Variants in SAXO4 observed in about 807,000 individuals in gnomAD.
SAXO4 encodes the protein stabilizer of axonemal microtubules 4, also known as protein phosphatase 1 regulatory subunit 32.
chr11:61,481,959 G>T, the SAXO4 span: 1 of 1,367,912 alleles, frequency 7.3e-7, no homozygotes, highest in Non-Finnish European at 1.0e-6. Flanking sequence ...TAGGACATGG[G>T]CAGGAAGGGA....
chr11:61,486,428 G>C, the SAXO4 span: 4 of 1,613,942 alleles, frequency 2.5e-6, no homozygotes, highest in Non-Finnish European at 3.4e-6. Flanking sequence ...GGGGAGGCTG[G>C]GGACCGCCTG....
chr11:61,490,315 A>G, the SAXO4 span, among the ~76,000 whole-genome samples: 1 of 152,108 alleles, frequency 6.6e-6, no homozygotes, highest in African/African-American at 2.4e-5. Context: ...GCTCAATTCA[A>G]TTCCTCAGAA....
At chr11:61,488,677 A>G in the SAXO4 span, among the ~76,000 whole-genome samples, 2 of 151,764 alleles carry the variant, frequency 1.3e-5, no homozygotes, top group African/African-American at 2.4e-5. Context: ...TGTCCCTGCC[A>G]CCTCTCTGTC....
chr11:61,487,050 G>A, the SAXO4 span: 1 of 1,614,040 alleles, frequency 6.2e-7, no homozygotes, highest in Non-Finnish European at 8.5e-7. Flanking sequence ...CCGGGAGACT[G>A]TGGGGAAAAA....
chr11:61,484,668 T>C, the SAXO4 span: 1 of 1,612,394 alleles, frequency 6.2e-7, no homozygotes, highest in East Asian at 2.2e-5. Flanking sequence ...TCACTTGTAA[T>C]TGGCCCTTCT....
chr11:61,482,458 C>T, the SAXO4 span: 2 of 1,598,262 alleles, frequency 1.3e-6, no homozygotes, highest in Non-Finnish European at 1.7e-6. Flanking sequence ...TTCCCAGCCC[C>T]TGCCCTGCTC....
the SAXO4 span, chr11:61,490,789 C>T: frequency 1.7e-6 from 1 of 593,150 alleles, no homozygotes; most frequent in Non-Finnish European, 3.0e-6. Flanking sequence ...CTTGCTCAGG[C>T]CTCGCCTCTG....
At chr11:61,481,862 C>T in the SAXO4 span, 73 of 1,560,450 alleles carry the variant, frequency 4.7e-5, no homozygotes, top group Admixed American at 3.6e-4. Flanking sequence ...AAGATGAGTT[C>T]GGGGGGCTAC....
chr11:61,484,802 G>T, the SAXO4 span: 19 of 1,596,100 alleles, frequency 1.2e-5, no homozygotes, highest in Non-Finnish European at 1.5e-5. Context: ...GCTGGAGCGG[G>T]AGAACTTCCG....
At chr11:61,483,679 C>T in the SAXO4 span, among the ~76,000 whole-genome samples, 12 of 152,102 alleles carry the variant, frequency 7.9e-5, no homozygotes, top group South Asian at 2.1e-4. Context: ...AGTTGGAGGC[C>T]AGGTGCGATG....
chr11:61,485,245 G>A, the SAXO4 span: 1 of 1,125,584 alleles, frequency 8.9e-7, no homozygotes, highest in Non-Finnish European at 1.3e-6. Flanking sequence ...CTTCCTCAGA[G>A]CACAGAGAAC....
chr11:61,489,831 G>C, the SAXO4 span: 1 of 1,613,908 alleles, frequency 6.2e-7, no homozygotes, highest in African/African-American at 1.3e-5. Context: ...CTGGACTCGA[G>C]GTGGCATCCA....
the SAXO4 span, among the ~76,000 whole-genome samples, chr11:61,485,625 T>C: frequency 6.6e-6 from 1 of 152,068 alleles, no homozygotes; most frequent in Non-Finnish European, 1.5e-5. Flanking sequence ...CTGCTCCCTC[T>C]CCTGTCCTCC....
the SAXO4 span, chr11:61,490,555 C>T: frequency 1.5e-5 from 24 of 1,613,890 alleles, no homozygotes; most frequent in South Asian, 3.3e-5. Flanking sequence ...GCAGCCGCTG[C>T]GTGGCACACA....
chr11:61,482,895 GT>G, the SAXO4 span: 1 of 1,400,640 alleles, frequency 7.1e-7, no homozygotes, highest in Non-Finnish European at 9.4e-7. Flanking sequence ...CAAGGTGGAG[GT>G]GACAGGGCAT....
chr11:61,485,829 A>G, the SAXO4 span: 1 of 1,613,998 alleles, frequency 6.2e-7, no homozygotes, highest in Non-Finnish European at 8.5e-7. Context: ...ATCGGCGCAA[A>G]GGAGGGGAGT....
At chr11:61,487,091 C>A in the SAXO4 span, 2 of 1,612,256 alleles carry the variant, frequency 1.2e-6, no homozygotes, top group East Asian at 4.5e-5. Context: ...GCCTCCACCC[C>A]CAAATCCCCA....
chr11:61,484,815 A>G, the SAXO4 span: 3 of 1,583,454 alleles, frequency 1.9e-6, no homozygotes, highest in Non-Finnish European at 2.6e-6. Flanking sequence ...AACTTCCGAC[A>G]TGTGAGTGGC....
the SAXO4 span, chr11:61,486,726 G>A: frequency 2.6e-5 from 28 of 1,072,152 alleles, no homozygotes; most frequent in Non-Finnish European, 3.6e-5. Context: ...TTAGGGATGT[G>A]GAGGTAGGCC....
Sources: gnomAD v4.1 joint callset for allele counts (sites outside exome capture counted in the v4.1 genomes callset) on GRCh38, gnomAD v4.1.1 for gene constraint, MANE v1.5 for transcripts, NCBI Gene and HGNC (gene_info 2026-07-23, HGNC 2026-07-21) for gene names.